Variants in PREP observed in about 807,000 individuals in gnomAD.
PREP encodes the protein dJ355L5.1 (prolyl endopeptidase).
In PREP, 29 loss-of-function variants were observed where a neutral mutation model predicts 87.6. That is an observed-to-expected ratio of 0.33 (90% confidence interval 0.25 to 0.45). PREP has a LOEUF of 0.45. Ranked by LOEUF, PREP falls within the 20% of genes least tolerant of loss-of-function variation. The probability of loss-of-function intolerance (pLI) is 1.00; values close to 1 mark genes in which losing one functional copy is unlikely to be tolerated. For missense variants in PREP, 695 were observed against 886.5 expected (o/e 0.78, Z 2.74); for synonymous variants, 337 against 328.6 (o/e 1.03, Z -0.28).
chr6:105,276,952 C>T lies in PREP; in HGVS notation c.*1192G>A, dbSNP rs192989945. Among the ~76,000 whole-genome samples the T allele has an allele frequency of 1.3e-5, 2 of 151,618 alleles. No homozygotes were observed. Among genetic ancestry groups the T allele is most frequent in the Admixed American group, 1.3e-4 (2 of 15,242 alleles). ...AGCTATTTTATATAAGGTTAAGATA[C>T]TATATAAAATAATAATTTTTATCAT... is the stretch of plus-strand genomic sequence containing the variant. On this transcript the variant is annotated 3_prime_UTR_variant, in exon 15 of 15. Transcript: ENST00000652536.
Position 105,328,893 on chromosome 6 carries a change from T to A in PREP, c.1149A>T (p.Val383=), listed in dbSNP as rs777955028. The A allele has an allele frequency of 3.1e-6, 5 of 1,614,126 alleles. No individual in the cohort carries two copies. Among genetic ancestry groups the A allele is most frequent in the Non-Finnish European group, 4.2e-6 (5 of 1,180,024 alleles). Residue 383 remains valine (V), a synonymous_variant, in exon 9 of 15, where the codon GTA becomes GTT. Transcript: ENST00000652536. ...KTFPLDVGSI[V]GYSGQKKDTE... ...TGTCCTTCTTCTGACCGCTGTACCCTACAATGCTGCCGACATCGAGCGGGA... is the reference window on the plus strand; with the variant it reads ...TGTCCTTCTTCTGACCGCTGTACCCAACAATGCTGCCGACATCGAGCGGGA...
chr6:105,330,332 G>C (rs187665781), intron 8 of PREP, among the ~76,000 whole-genome samples: 2 of 152,274 alleles, frequency 1.3e-5, no homozygotes, highest in East Asian at 3.9e-4. Context: ...CACATCAAGC[G>C]GGAGATAAAG....
At chr6:105,306,476 A>G (rs1035764395) in intron 10 of PREP, among the ~76,000 whole-genome samples, 5 of 152,126 alleles carry the variant, frequency 3.3e-5, no homozygotes, top group African/African-American at 9.7e-5. Context: ...GACCCCTCAC[A>G]TGGTCAATCC....
intron 6 of PREP, among the ~76,000 whole-genome samples, chr6:105,353,869 C>G (rs1056688860): frequency 1.3e-5 from 2 of 151,216 alleles, no homozygotes; most frequent in African/African-American, 2.4e-5. Context: ...TACTGAACAA[C>G]TGCTTATGCA....
intron 2 of PREP, among the ~76,000 whole-genome samples, chr6:105,378,981 G>A (rs960091013): frequency 2.0e-5 from 3 of 152,162 alleles, no homozygotes; most frequent in Non-Finnish European, 4.4e-5. Flanking sequence ...TTTGTGGTGA[G>A]ACAAACTGTT....
At chr6:105,367,636 C>T (rs941992469) in intron 6 of PREP, among the ~76,000 whole-genome samples, 11 of 147,208 alleles carry the variant, frequency 7.5e-5, no homozygotes, top group African/African-American at 1.3e-4. Flanking sequence ...CCCGCCACTG[C>T]GCTCCAGCCT....
chr6:105,319,888 C>A (rs1233322004), intron 10 of PREP, among the ~76,000 whole-genome samples: 2 of 152,194 alleles, frequency 1.3e-5, no homozygotes, highest in Non-Finnish European at 2.9e-5. Context: ...TATGTTTCAA[C>A]TTTCTAGTCA....
chr6:105,319,385 A>G (rs373454993), intron 10 of PREP, among the ~76,000 whole-genome samples: 6 of 152,258 alleles, frequency 3.9e-5, no homozygotes, highest in African/African-American at 1.4e-4. Flanking sequence ...CAGGGTATAG[A>G]CTCAGTTAAG....
At chr6:105,357,914 T>G (rs1180018532) in intron 6 of PREP, among the ~76,000 whole-genome samples, 1 of 132,166 alleles carries the variant, frequency 7.6e-6, no homozygotes, top group Non-Finnish European at 1.6e-5. Context: ...AACAATACTG[T>G]TTTTTTTTTT....
intron 14 of PREP, among the ~76,000 whole-genome samples, chr6:105,280,316 T>G (rs72944142): frequency 0.084 from 12,731 of 152,104 alleles, 582 homozygotes; most frequent in Admixed American, 0.12. Flanking sequence ...AAACAAAACT[T>G]TAGAAACTAA....
chr6:105,326,251 T>C (rs755904704), intron 9 of PREP, among the ~76,000 whole-genome samples: 6 of 152,128 alleles, frequency 3.9e-5, no homozygotes, highest in Non-Finnish European at 7.4e-5. Context: ...ACTGGATTAT[T>C]ACAACACGCA....
At chr6:105,360,885 C>T (rs958401321) in intron 6 of PREP, among the ~76,000 whole-genome samples, 1 of 152,170 alleles carries the variant, frequency 6.6e-6, no homozygotes, top group African/African-American at 2.4e-5. Context: ...AATTCCACTT[C>T]ACAAGGTCAT....
At chr6:105,351,297 A>T (rs1197214318) in intron 7 of PREP, among the ~76,000 whole-genome samples, 1 of 152,166 alleles carries the variant, frequency 6.6e-6, no homozygotes, top group African/African-American at 2.4e-5. Context: ...CTCTGAATGG[A>T]TCATGGCCAT....
intron 2 of PREP, among the ~76,000 whole-genome samples, chr6:105,383,916 G>A (rs1167080415): frequency 1.3e-5 from 2 of 152,094 alleles, no homozygotes; most frequent in Admixed American, 6.5e-5. Context: ...ATCTGATCGT[G>A]AGGACATTAA....
chr6:105,327,471 A>G (rs1771197013), intron 9 of PREP, among the ~76,000 whole-genome samples: 2 of 152,156 alleles, frequency 1.3e-5, no homozygotes, highest in Non-Finnish European at 2.9e-5. Context: ...TTTTCAAGGT[A>G]TACTATCAGA....
At chr6:105,300,983 T>C (rs1446770817) in intron 10 of PREP, among the ~76,000 whole-genome samples, 1 of 152,246 alleles carries the variant, frequency 6.6e-6, no homozygotes, top group Non-Finnish European at 1.5e-5. Flanking sequence ...GTACATTTAG[T>C]AATAAAATCA....
At chr6:105,375,049 A>G (rs1772654388) in intron 4 of PREP, among the ~76,000 whole-genome samples, 1 of 152,142 alleles carries the variant, frequency 6.6e-6, no homozygotes, top group African/African-American at 2.4e-5. Flanking sequence ...TATTAAATTC[A>G]CTGAAAACTA....
chr6:105,288,645 C>T, intron 11 of PREP, 113 bp downstream of exon 11: 3 of 1,356,566 alleles, frequency 2.2e-6, no homozygotes, highest in South Asian at 1.4e-5. Context: ...GTGTGAACCC[C>T]CACGCCTGGC....
Position 105,370,049 on chromosome 6 carries a change from C to T in PREP, c.596-1025G>A, listed in dbSNP as rs368817169. Among the ~76,000 whole-genome samples the T allele has an allele frequency of 1.4e-4, 21 of 151,968 alleles. No individual in the cohort carries two copies. In the East Asian group the frequency reaches 3.5e-3, roughly 25 times the overall value. On this transcript the variant is annotated intron_variant, in intron 5 of 14. Coordinates refer to ENST00000652536, the MANE Select transcript of PREP (RefSeq NM_002726.5). ...GGTGGATCACCTGAGGTCAGGAGTTCGAGACCAGCCTGACCAACATGGTGA... is the reference window on the plus strand; with the variant it reads ...GGTGGATCACCTGAGGTCAGGAGTTTGAGACCAGCCTGACCAACATGGTGA...
Sources: allele counts gnomAD v4.1 joint callset (sites outside exome capture counted in the v4.1 genomes callset), GRCh38; gene constraint gnomAD v4.1.1; transcripts MANE v1.5; gene names NCBI Gene and HGNC (gene_info 2026-07-23, HGNC 2026-07-21).